Variants in FBXL3 observed in about 807,000 individuals in gnomAD.
FBXL3 encodes F-box and leucine rich repeat protein 3, also known as F-box/LRR-repeat protein 3.
FBXL3 carries 14 observed loss-of-function variants against 37.9 expected under a neutral mutation model. The ratio of observed to expected loss-of-function variants is 0.37; its 90% confidence interval spans 0.24 to 0.58. The LOEUF is 0.58. FBXL3 is among the 20% of genes least tolerant of loss of function. The pLI is 0.74. For missense variants in FBXL3, 327 were observed against 511.1 expected, an observed-to-expected ratio of 0.64 and a Z score of 3.47; for synonymous variants, 194 against 180.1, an observed-to-expected ratio of 1.08 and a Z score of -0.62.
At chr13:77,012,704 AGAAAATAT>A (rs896347549) in intron 4 of FBXL3, 1 of 152,386 alleles carries the variant, frequency 6.6e-6, no homozygotes, top group Non-Finnish European at 1.5e-5. Context: ...AAAGATAGAT[AGAAAATAT>A]GAAAATATGA....
In FBXL3 at chr13:77,007,641, G is replaced by A. The variant is rs374182615; in HGVS notation, c.791C>T (p.Pro264Leu). Residue 264 changes from proline (P) to leucine (L), a missense_variant, in exon 5 of 5, where the codon CCT (proline) becomes CTT (leucine). Pro to Leu is a moderately conservative substitution (Grantham distance 98, BLOSUM62 -3). Coordinates refer to ENST00000355619, the MANE Select transcript of FBXL3 (RefSeq NM_012158.4). ...HLRIDVVSEN[P>L]GQTHFHTIQK... Reference sequence around the variant, plus strand: ...AATAGTATGGAAGTGTGTCTGTCCAGGATTCTCACTGACTACATCAATGCG... The same window carrying A: ...AATAGTATGGAAGTGTGTCTGTCCAAGATTCTCACTGACTACATCAATGCG... The A allele has an allele frequency of 1.9e-6, 3 of 1,614,034 alleles. No homozygotes were observed. Among genetic ancestry groups the A allele is most frequent in the South Asian group, 2.2e-5 (2 of 91,082 alleles).
chr13:77,013,125 A>G (rs541292882), intron 4 of FBXL3: 276 of 152,332 alleles, frequency 1.8e-3, no homozygotes, highest in Middle Eastern at 6.8e-3. Flanking sequence ...AACTAGTCCA[A>G]AAGTCATTAT....
chr13:77,024,556 T>G (rs1026456614), intron 1 of FBXL3, among the ~76,000 whole-genome samples: 1 of 152,224 alleles, frequency 6.6e-6, no homozygotes. Flanking sequence ...CTTATTCACA[T>G]AATAGTCTTT....
intron 4 of FBXL3, among the ~76,000 whole-genome samples, chr13:77,008,145 A>G (rs2034485888): frequency 6.6e-6 from 1 of 152,252 alleles, no homozygotes; most frequent in African/African-American, 2.4e-5. Flanking sequence ...AGGTTAGGTA[A>G]TTACAGGACC....
intron 2 of FBXL3, chr13:77,019,183 C>T (rs1401439971): frequency 1.3e-5 from 2 of 152,224 alleles, no homozygotes; most frequent in Non-Finnish European, 2.9e-5. Context: ...AAAATGTTCA[C>T]GTGTATCACA....
chr13:77,024,012 G>A (rs1475435861), intron 1 of FBXL3, among the ~76,000 whole-genome samples: 2 of 152,100 alleles, frequency 1.3e-5, no homozygotes, highest in African/African-American at 4.8e-5. Flanking sequence ...AATATATTAC[G>A]TATACCCTAC....
intron 4 of FBXL3, among the ~76,000 whole-genome samples, chr13:77,011,551 A>G (rs923760167): frequency 1.3e-5 from 2 of 151,756 alleles, no homozygotes; most frequent in African/African-American, 4.8e-5. Flanking sequence ...GCAAAACCCC[A>G]TCTCTACAAA....
intron 1 of FBXL3, among the ~76,000 whole-genome samples, chr13:77,024,135 G>A (rs1308807666): frequency 1.3e-5 from 2 of 152,132 alleles, no homozygotes; most frequent in Admixed American, 6.5e-5. Flanking sequence ...TTTTTAATAA[G>A]TTTAGAGAAA....
intron 2 of FBXL3, among the ~76,000 whole-genome samples, chr13:77,019,527 C>G (rs748778721): frequency 6.6e-6 from 1 of 152,146 alleles, no homozygotes; most frequent in Non-Finnish European, 1.5e-5. Context: ...AGTTTCAGAG[C>G]TACTTATAGA....
intron 3 of FBXL3, chr13:77,016,540 CT>C (rs67465656): frequency 1.9e-3 from 280 of 145,206 alleles, no homozygotes; most frequent in Admixed American, 2.0e-3. Context: ...TGAAACATTA[CT>C]TTTTTTTTTT....
chr13:77,007,107 A>G lies in FBXL3; in HGVS notation c.*38T>C. 1 of 1,539,710 alleles carries G rather than the reference A, an allele frequency of 6.5e-7. No individual in the cohort carries two copies. Among genetic ancestry groups the G allele is most frequent in the Non-Finnish European group, 8.7e-7 (1 of 1,148,208 alleles). ...GCAAATAAAACTTTAATTATAATAC[A>G]TTTGCTTGAAATTAAGGTGCTATTC... On this transcript the variant is annotated 3_prime_UTR_variant, in exon 5 of 5. Coordinates refer to ENST00000355619, the MANE Select transcript of FBXL3 (RefSeq NM_012158.4).
chr13:77,009,100 C>T (rs1290346478), intron 4 of FBXL3: 1 of 152,128 alleles, frequency 6.6e-6, no homozygotes, highest in Non-Finnish European at 1.5e-5. Context: ...AGCAAAGCTG[C>T]AATACAAACA....
chr13:77,021,784 G>A lies in FBXL3; in HGVS notation c.77C>T (p.Thr26Ile), dbSNP rs1003951744. The A allele has an allele frequency of 1.9e-6, 3 of 1,613,586 alleles. No individual in the cohort carries two copies. In the African/African-American group the frequency reaches 4.0e-5, roughly 22 times the overall value. The stretch of plus-strand genomic sequence containing the variant: ...ACAAGTCTGAGAATGCTCATTTGTA[G>A]TCCTCAGTTTCTTGGATTTCTCTGC... ...GTAEKSKKLRTTNEHSQTCDW... is the reference protein window; with the variant it reads ...GTAEKSKKLRITNEHSQTCDW... Residue 26 changes from threonine (T) to isoleucine (I), a missense_variant, in exon 2 of 5, where the codon ACT becomes ATT. Physicochemically the swap from Thr to Ile is moderately conservative, Grantham distance 89. Transcript: ENST00000355619.
At position 77,021,804 on chromosome 13, in the gene FBXL3, C is replaced by T; in HGVS notation, c.57G>A (p.Glu19=). The T allele has an allele frequency of 6.2e-7, 1 of 1,613,696 alleles. No homozygotes were observed. Among genetic ancestry groups the T allele is most frequent in the South Asian group, 1.1e-5 (1 of 91,080 alleles). The change falls in exon 2 of 5, where the codon GAG becomes GAA. Residue 19 remains glutamate, a synonymous_variant. Coordinates refer to ENST00000355619, the MANE Select transcript of FBXL3 (RefSeq NM_012158.4). The stretch of plus-strand genomic sequence containing the variant: ...TTGTAGTCCTCAGTTTCTTGGATTT[C>T]TCTGCAGTTCCTTCTTCTGATGAAT... ...DRNSSEEGTA[E]KSKKLRTTNE...
At position 77,007,140 on chromosome 13, in the gene FBXL3, A is replaced by G; in HGVS notation, c.*5T>C. The G allele has an allele frequency of 1.3e-6, 2 of 1,591,466 alleles. No homozygotes were observed. The highest frequency in any genetic ancestry group is 1.7e-6 in the Non-Finnish European group (2 of 1,167,042). On this transcript the variant is annotated 3_prime_UTR_variant, in exon 5 of 5. Coordinates refer to ENST00000355619, the MANE Select transcript of FBXL3 (RefSeq NM_012158.4). ...GAAATTAAGGTGCTATTCATCATGC[A>G]GTTTTTACCAAGTGGGCATCATGTC...
chr13:77,009,431 A>T (rs1377868465), intron 4 of FBXL3: 2 of 152,144 alleles, frequency 1.3e-5, no homozygotes, highest in Non-Finnish European at 2.9e-5. Context: ...TGGTTTAAGC[A>T]ATTCTCCTGC....
intron 1 of FBXL3, among the ~76,000 whole-genome samples, chr13:77,026,538 C>G (rs912624942): frequency 1.3e-5 from 2 of 152,174 alleles, no homozygotes; most frequent in African/African-American, 2.4e-5. Context: ...CCGCGGCGAA[C>G]CCGGGAGCGG....
chr13:77,011,971 T>C (rs1321372643), intron 4 of FBXL3, among the ~76,000 whole-genome samples: 1 of 152,098 alleles, frequency 6.6e-6, no homozygotes, highest in Non-Finnish European at 1.5e-5. Context: ...CGCACAAAAT[T>C]TGTACATAAA....
At chr13:77,023,496 T>C (rs989678494) in intron 1 of FBXL3, among the ~76,000 whole-genome samples, 3 of 152,106 alleles carry the variant, frequency 2.0e-5, no homozygotes, top group African/African-American at 4.8e-5. Flanking sequence ...CTTGCAAACA[T>C]CTCTTCCCTT....
Sources: allele counts gnomAD v4.1 joint callset (sites outside exome capture counted in the v4.1 genomes callset), GRCh38; gene constraint gnomAD v4.1.1; transcripts MANE v1.5; gene names NCBI Gene and HGNC (gene_info 2026-07-23, HGNC 2026-07-21).